The following FAM156A variants were observed in gnomAD, a reference collection of about 807,000 sequenced individuals.
FAM156A encodes family with sequence similarity 156 member A.
intron 1 of FAM156A, among the ~76,000 whole-genome samples, chrX:52,992,763 G>A (rs1177506873): frequency 9.0e-6 from 1 of 111,323 alleles, no homozygotes; most frequent in Non-Finnish European, 1.9e-5. Flanking sequence ...TTTCCTCACT[G>A]TCCCCCACCT....
intron 1 of FAM156A, among the ~76,000 whole-genome samples, chrX:52,985,952 AAAAT>A (rs1186996944): frequency 9.0e-6 from 1 of 110,564 alleles, no homozygotes; most frequent in Non-Finnish European, 1.9e-5. Flanking sequence ...AACCAATAAT[AAAAT>A]AAACCAATCA....
chrX:52,992,330 CCT>C (rs1295813503), intron 1 of FAM156A, among the ~76,000 whole-genome samples: 5 of 111,889 alleles, frequency 4.5e-5, no homozygotes, highest in Admixed American at 1.9e-4. Context: ...CTGTCTATCC[CCT>C]GAGAGGTGGT....
intron 1 of FAM156A, among the ~76,000 whole-genome samples, chrX:52,987,932 C>T (rs1407199179): frequency 8.9e-6 from 1 of 112,013 alleles, no homozygotes; most frequent in Non-Finnish European, 1.9e-5. Flanking sequence ...AAAGAAGGAA[C>T]TATTGATATA....
intron 1 of FAM156A, among the ~76,000 whole-genome samples, chrX:52,986,795 A>C (rs1930326491): frequency 8.9e-6 from 1 of 111,783 alleles, no homozygotes; most frequent in African/African-American, 3.2e-5. Context: ...CAGGAACCAA[A>C]CAAGGTTGCT....
At chrX:52,990,992 C>T (rs1431475014) in intron 1 of FAM156A, among the ~76,000 whole-genome samples, 1 of 111,027 alleles carries the variant, frequency 9.0e-6, no homozygotes, top group Non-Finnish European at 1.9e-5. Flanking sequence ...GTAGAGTTGA[C>T]AGTCACGGAG....
chrX:52,979,555 T>C (rs1187343901), intron 1 of FAM156A, among the ~76,000 whole-genome samples: 1 of 111,102 alleles, frequency 9.0e-6, no homozygotes, highest in Non-Finnish European at 1.9e-5. Flanking sequence ...AGCACACACC[T>C]GTCCCTGGCA....
chrX:52,984,064 C>G (rs1930095760), intron 1 of FAM156A, among the ~76,000 whole-genome samples: 1 of 111,115 alleles, frequency 9.0e-6, no homozygotes, highest in Non-Finnish European at 1.9e-5. Flanking sequence ...GGAGGACGCA[C>G]AGGACTCACA....
chrX:52,990,927 G>A (rs1340878645), intron 1 of FAM156A, among the ~76,000 whole-genome samples: 4 of 111,575 alleles, frequency 3.6e-5, no homozygotes, highest in Non-Finnish European at 3.8e-5. Flanking sequence ...GACTGTGCTC[G>A]GAGCTGGGGC....
chrX:52,983,496 C>A (rs1474228909), intron 1 of FAM156A, among the ~76,000 whole-genome samples: 1 of 112,129 alleles, frequency 8.9e-6, no homozygotes, highest in African/African-American at 3.2e-5. Flanking sequence ...GCTGCAGTAG[C>A]AGCAGCAAAG....
intron 1 of FAM156A, among the ~76,000 whole-genome samples, chrX:52,992,375 G>A (rs1556795802): frequency 8.9e-6 from 1 of 111,783 alleles, no homozygotes; most frequent in Admixed American, 9.4e-5. Flanking sequence ...CAGGAGCACA[G>A]GATAGAGGAT....
intron 1 of FAM156A, among the ~76,000 whole-genome samples, chrX:52,994,804 A>T (rs1334436890): frequency 1.8e-5 from 2 of 110,877 alleles, no homozygotes; most frequent in African/African-American, 6.6e-5. Flanking sequence ...GCGAGACTCC[A>T]TATCTACAAA....
intron 1 of FAM156A, among the ~76,000 whole-genome samples, chrX:52,974,387 G>T (rs1929283503): frequency 8.9e-6 from 1 of 111,995 alleles, no homozygotes; most frequent in Admixed American, 9.4e-5. Flanking sequence ...CTCCATGAGG[G>T]CGGGGATGTG....
chrX:52,975,565 G>A (rs1929405356), intron 1 of FAM156A, among the ~76,000 whole-genome samples: 1 of 112,021 alleles, frequency 8.9e-6, no homozygotes, highest in Admixed American at 9.4e-5. Context: ...CCAAACTAAT[G>A]ACCACAACAA....
intron 1 of FAM156A, among the ~76,000 whole-genome samples, chrX:52,980,310 C>G (rs1339757268): frequency 8.9e-6 from 1 of 111,906 alleles, no homozygotes; most frequent in Non-Finnish European, 1.9e-5. Context: ...ATCCAACTTA[C>G]CTACCAAAGG....
chrX:52,975,646 T>A (rs1556792020), intron 1 of FAM156A, among the ~76,000 whole-genome samples: 1 of 111,448 alleles, frequency 9.0e-6, no homozygotes, highest in Non-Finnish European at 1.9e-5. Flanking sequence ...TTGCACTATG[T>A]GTTTTCTCCG....
intron 1 of FAM156A, among the ~76,000 whole-genome samples, chrX:52,995,122 G>A (rs1291215734): frequency 8.9e-6 from 1 of 111,974 alleles, no homozygotes; most frequent in Non-Finnish European, 1.9e-5. Flanking sequence ...GAGATGTCAT[G>A]CCTAAAGATA....
intron 1 of FAM156A, among the ~76,000 whole-genome samples, chrX:52,981,938 T>G (rs1017871746): frequency 9.0e-6 from 1 of 110,724 alleles, no homozygotes; most frequent in African/African-American, 3.3e-5. Context: ...TTTTGTGTTT[T>G]CTTCATTGTT....
chrX:52,979,564 C>A (rs782696444), intron 1 of FAM156A, among the ~76,000 whole-genome samples: 14 of 111,157 alleles, frequency 1.3e-4, no homozygotes, highest in Non-Finnish European at 2.1e-4. Flanking sequence ...CTGTCCCTGG[C>A]AGCCTGACGA....
intron 1 of FAM156A, among the ~76,000 whole-genome samples, chrX:52,980,782 C>CTGTGTG (rs1156303085): frequency 0.032 from 1,247 of 38,444 alleles, 68 homozygotes; most frequent in East Asian, 0.06. Flanking sequence ...TAGGGTTCCT[C>CTGTGTG]TGTGTGTGTG....
Sources: gnomAD v4.1 joint callset for allele counts (sites outside exome capture counted in the v4.1 genomes callset) on GRCh38, gnomAD v4.1.1 for gene constraint, MANE v1.5 for transcripts, NCBI Gene and HGNC (gene_info 2026-07-23, HGNC 2026-07-21) for gene names.